Variants in CFH observed in about 807,000 individuals in gnomAD.
CFH encodes the protein complement factor H.
CFH carries 53 observed loss-of-function variants against 147.3 expected under a neutral mutation model. The observed-to-expected ratio is 0.36, with a 90% CI of 0.29 to 0.45. The LOEUF is 0.45. CFH is among the 20% of genes least tolerant of loss of function. The pLI is 1.00. For missense variants in CFH, 1,380 were observed against 1,498.0 expected (o/e 0.92, Z 1.30); for synonymous variants, 536 against 489.4 (o/e 1.10, Z -1.26).
intron 10 of CFH, among the ~76,000 whole-genome samples, chr1:196,714,580 C>A (rs1473355497): frequency 7.4e-6 from 1 of 134,784 alleles, no homozygotes; most frequent in African/African-American, 2.8e-5. Context: ...TTATTTTTTG[C>A]AAAACCACTC....
chr1:196,685,625 G>A (rs1449078190), intron 7 of CFH, among the ~76,000 whole-genome samples: 1 of 152,000 alleles, frequency 6.6e-6, no homozygotes, highest in Non-Finnish European at 1.5e-5. Context: ...ATCTCAAAAT[G>A]GCTTATATAA....
intron 1 of CFH, among the ~76,000 whole-genome samples, chr1:196,658,578 T>C (rs562742660): frequency 4.0e-5 from 6 of 151,648 alleles, no homozygotes; most frequent in South Asian, 2.1e-4. Flanking sequence ...AGCCCGGCTA[T>C]TTTTTTGTAT....
At chr1:196,652,512 A>T (rs1315737194) in intron 1 of CFH, among the ~76,000 whole-genome samples, 1 of 151,920 alleles carries the variant, frequency 6.6e-6, no homozygotes, top group Non-Finnish European at 1.5e-5. Flanking sequence ...AAAATGTATT[A>T]TGTGAAAGCA....
At position 196,660,771 on chromosome 1, in the gene CFH, G is replaced by A. The variant is rs76954657; in HGVS notation, c.58+8596G>A. ...CACAGAGTAAATATTGTGAGAAGTT[G>A]GTAGGAAGATTTTGTGGAAGAGATG... is the stretch of plus-strand genomic sequence containing the variant. On this transcript the variant is annotated intron_variant, in intron 1 of 21. Transcript: ENST00000367429. 7.9e-5 allele frequency among the ~76,000 whole-genome samples: 12 copies of A among 152,222 alleles called. No individual in the cohort carries two copies. In the East Asian group the frequency reaches 2.1e-3, roughly 27 times the overall value.
rs1208117197 is a variant in CFH, at chr1:196,736,427, A to G, written c.2414-397A>G. Among the ~76,000 whole-genome samples the G allele has an allele frequency of 2.6e-5, 4 of 152,216 alleles. No homozygotes were observed. In the East Asian group the frequency reaches 7.7e-4, roughly 29 times the overall value. ...TTGTGAGTGTTTTAATCCAATCCTG[A>G]TACATTTGATTATAGATATCAATTT... On this transcript the variant is annotated intron_variant, in intron 15 of 21. Coordinates refer to ENST00000367429, the MANE Select transcript of CFH (RefSeq NM_000186.4).
In CFH at chr1:196,683,371, T is replaced by C. The variant is rs1442719809; in HGVS notation, c.791-1693T>C. ...TTTCTGAATTTGGACATTGGGCTCA[T>C]TGGTAGCTTTTATCAGAGCAATGGC... On this transcript the variant is annotated intron_variant, in intron 6 of 21. Coordinates refer to ENST00000367429, the MANE Select transcript of CFH (RefSeq NM_000186.4). Among the ~76,000 whole-genome samples the C allele has an allele frequency of 2.0e-5, 3 of 151,764 alleles. No individual in the cohort carries two copies. The Admixed American group carries it at 2.0e-4, about 10-fold the overall frequency.
At chr1:196,715,040 G>A (rs1429197718) in intron 10 of CFH, among the ~76,000 whole-genome samples, 1 of 151,814 alleles carries the variant, frequency 6.6e-6, no homozygotes, top group Admixed American at 6.6e-5. Flanking sequence ...ATTTTTTAAT[G>A]TCTGTGCTTA....
intron 17 of CFH, among the ~76,000 whole-genome samples, chr1:196,738,087 C>T (rs753221086): frequency 6.6e-6 from 1 of 152,110 alleles, no homozygotes; most frequent in Non-Finnish European, 1.5e-5. Context: ...GGAAAAGGCC[C>T]TTATAAAACC....
At chr1:196,730,669 T>G (rs577014111) in intron 15 of CFH, among the ~76,000 whole-genome samples, 86 of 151,946 alleles carry the variant, frequency 5.7e-4, no homozygotes, top group Non-Finnish European at 9.7e-4. Context: ...ACGTTGAAAG[T>G]AAAATATTGA....
intron 15 of CFH, among the ~76,000 whole-genome samples, chr1:196,736,613 T>C (rs1669408652): frequency 6.6e-6 from 1 of 151,944 alleles, no homozygotes; most frequent in Admixed American, 6.6e-5. Flanking sequence ...AAAAGTTCTA[T>C]TGTTTAATGT....
At chr1:196,744,536 A>T (rs1652935107) in intron 20 of CFH, among the ~76,000 whole-genome samples, 1 of 152,100 alleles carries the variant, frequency 6.6e-6, no homozygotes. Context: ...AATACTATAT[A>T]TGTAATAATA....
rs1197262936 is a variant in CFH, at chr1:196,673,879, A to G, written c.267A>G (p.Gly89=). ...KCQKRPCGHP[G]DTPFGTFTLT... is the part of the protein sequence containing the mutation. ...TAGAAAGGCCCTGTGGACATCCTGG[A>G]GATACTCCTTTTGGTACTTTTACCC... The change falls in exon 3 of 22, where the codon GGA becomes GGG. Residue 89 remains glycine (G), a synonymous_variant. Coordinates refer to ENST00000367429, the MANE Select transcript of CFH (RefSeq NM_000186.4). 1 of 1,613,196 alleles carries G rather than the reference A, an allele frequency of 6.2e-7. No individual in the cohort carries two copies. Among genetic ancestry groups the G allele is most frequent in the Non-Finnish European group, 8.5e-7 (1 of 1,179,452 alleles).
rs140953579 is a variant in CFH at position 196,665,984 on chromosome 1, T to TA, written c.59-6993dup. Among the ~76,000 whole-genome samples, 325 of 152,322 alleles carry TA rather than the reference T, an allele frequency of 2.1e-3. 4 individuals are homozygous for TA. The highest frequency in any genetic ancestry group is 7.3e-3 in the African/African-American group (302 of 41,576). On this transcript the variant is annotated intron_variant, in intron 1 of 21. Coordinates refer to ENST00000367429, the MANE Select transcript of CFH (RefSeq NM_000186.4). ...CCAAGTTTACACAGTACGATAGACT[T>TA]ACCCATTGCCAAGGTTACTTGGCTT...
At chr1:196,714,638 T>TAC (rs1489277621) in intron 10 of CFH, among the ~76,000 whole-genome samples, 213 of 21,292 alleles carry the variant, frequency 0.01, 4 homozygotes, top group African/African-American at 0.05. Context: ...TATATATGTA[T>TAC]ATATATATAT....
intron 15 of CFH, among the ~76,000 whole-genome samples, chr1:196,731,234 A>G (rs189291627): frequency 1.3e-5 from 2 of 151,878 alleles, no homozygotes; most frequent in African/African-American, 2.4e-5. Flanking sequence ...TTGTGTATCT[A>G]TTAGATGTTT....
intron 9 of CFH, among the ~76,000 whole-genome samples, chr1:196,693,316 C>T (rs1254677202): frequency 3.3e-5 from 5 of 151,976 alleles, no homozygotes; most frequent in Non-Finnish European, 7.4e-5. Flanking sequence ...AGATAAATCA[C>T]AGAATATCAA....
intron 9 of CFH, among the ~76,000 whole-genome samples, chr1:196,702,791 T>C (rs1395986929): frequency 6.6e-6 from 1 of 152,156 alleles, no homozygotes; most frequent in South Asian, 2.1e-4. Context: ...GATCTAACCT[T>C]GAACACTATC....
At position 196,728,714 on chromosome 1, in the gene CFH, A is replaced by AAC. The variant is rs374176162; in HGVS notation, c.2413+209_2413+210dup. The stretch of plus-strand genomic sequence containing the variant: ...CTGTGAATTAGTTACCTTTAGTATA[A>AAC]ACACACACACACACACACGCACACA... On this transcript the variant is annotated intron_variant, in intron 15 of 21. Transcript: ENST00000367429. Among the ~76,000 whole-genome samples the AAC allele has an allele frequency of 2.1e-3, 305 of 145,284 alleles. 1 individual carries two copies. The highest frequency in any genetic ancestry group is 6.4e-3 in the African/African-American group (253 of 39,672).
At chr1:196,737,129 T>A (rs1381238233) in intron 16 of CFH, 123 bp downstream of exon 16, 2 of 885,022 alleles carry the variant, frequency 2.3e-6, no homozygotes, top group Non-Finnish European at 3.5e-6. Context: ...ACAAAATAAA[T>A]TAGGACCTAG....
Sources: allele counts gnomAD v4.1 joint callset (sites outside exome capture counted in the v4.1 genomes callset), GRCh38; gene constraint gnomAD v4.1.1; transcripts MANE v1.5; gene names NCBI Gene and HGNC (gene_info 2026-07-23, HGNC 2026-07-21).